IL1RAPL2: variants seen among roughly 807,000 people sequenced by gnomAD.
The protein encoded by IL1RAPL2 is interleukin 1 receptor accessory protein like 2.
In IL1RAPL2, 3 loss-of-function variants were observed where a neutral mutation model predicts 44.1. The observed-to-expected ratio is 0.07, with a 90% CI of 0.03 to 0.18. The LOEUF (loss-of-function observed/expected upper bound fraction) is 0.18, where lower values mean the gene tolerates loss of function less well. Ranked by LOEUF, IL1RAPL2 falls within the 10% of genes least tolerant of loss-of-function variation. The pLI, the probability that IL1RAPL2 is intolerant of heterozygous loss-of-function variation, is 1.00. For missense variants in IL1RAPL2, 391 were observed against 496.4 expected, an observed-to-expected ratio of 0.79 and a Z score of 2.02; for synonymous variants, 181 against 178.8, an observed-to-expected ratio of 1.01 and a Z score of -0.10.
intron 2 of IL1RAPL2, among the ~76,000 whole-genome samples, chrX:105,020,381 G>A (rs980694575): frequency 1.8e-5 from 2 of 111,870 alleles, no homozygotes; most frequent in Non-Finnish European, 3.8e-5. Context: ...AAGTTTTAAA[G>A]GAAATAGTGC....
chrX:104,615,965 T>C (rs1602645235), intron 1 of IL1RAPL2, among the ~76,000 whole-genome samples: 5 of 112,617 alleles, frequency 4.4e-5, no homozygotes. Flanking sequence ...GATTTGCATT[T>C]CTCTAATGAT....
At chrX:105,029,314 A>G (rs2147750906) in intron 2 of IL1RAPL2, among the ~76,000 whole-genome samples, 1 of 104,426 alleles carries the variant, frequency 9.6e-6, no homozygotes, top group East Asian at 3.1e-4. Context: ...GGTTTGTTAC[A>G]TATGTATACA....
intron 2 of IL1RAPL2, among the ~76,000 whole-genome samples, chrX:104,893,596 A>G (rs778369683): frequency 2.0e-4 from 22 of 111,191 alleles, no homozygotes; most frequent in Middle Eastern, 4.7e-3. Flanking sequence ...TTTATCAGAG[A>G]CTAGGATTGC....
intron 1 of IL1RAPL2, among the ~76,000 whole-genome samples, chrX:104,578,741 T>G (rs1928287793): frequency 9.0e-6 from 1 of 110,806 alleles, no homozygotes; most frequent in Non-Finnish European, 1.9e-5. Flanking sequence ...TTTTCATGAG[T>G]TTTTAATGAT....
At chrX:105,369,444 A>G (rs748784255) in intron 5 of IL1RAPL2, among the ~76,000 whole-genome samples, 1 of 111,197 alleles carries the variant, frequency 9.0e-6, no homozygotes, top group Admixed American at 9.7e-5. Flanking sequence ...GTAAGGTGAG[A>G]TTGAAGCCAG....
At chrX:104,872,750 C>T (rs1005971005) in intron 2 of IL1RAPL2, among the ~76,000 whole-genome samples, 2 of 110,970 alleles carry the variant, frequency 1.8e-5, no homozygotes, top group East Asian at 5.7e-4. Flanking sequence ...TATGGTGACT[C>T]GTCTAATATT....
At chrX:105,673,478 T>TC (rs752692642) in intron 6 of IL1RAPL2, among the ~76,000 whole-genome samples, 1 of 111,476 alleles carries the variant, frequency 9.0e-6, no homozygotes, top group Non-Finnish European at 1.9e-5. Flanking sequence ...TTCATCCAAG[T>TC]CCCTGCAAAG....
At chrX:104,647,760 CA>C (rs1930072225) in intron 1 of IL1RAPL2, 1 of 536,730 alleles carries the variant, frequency 1.9e-6, no homozygotes, top group African/African-American at 2.3e-5. Flanking sequence ...TCTTTGCTAC[CA>C]GTGATGACTG....
chrX:105,295,513 G>A (rs752188390), intron 5 of IL1RAPL2, among the ~76,000 whole-genome samples: 12 of 111,510 alleles, frequency 1.1e-4, no homozygotes, highest in South Asian at 7.5e-4. Flanking sequence ...CTAAATCTAC[G>A]GCAATATTTT....
Position 105,566,564 on chromosome X carries a change from C to G in IL1RAPL2, c.772+82177C>G, listed in dbSNP as rs2036976736. Among the ~76,000 whole-genome samples the G allele has an allele frequency of 7.2e-5, 8 of 111,762 alleles. No homozygotes were observed. The South Asian group carries it at 3.0e-3, about 42-fold the overall frequency. ...GCAGAGAGGTTTGTGAGATTTAGCA[C>G]ACAACACATTAAGGACGTCTGAAAA... On this transcript the variant is annotated intron_variant, in intron 6 of 10. Transcript: ENST00000372582.
intron 4 of IL1RAPL2, among the ~76,000 whole-genome samples, chrX:105,239,183 T>C (rs183679339): frequency 8.9e-6 from 1 of 112,064 alleles, no homozygotes; most frequent in Non-Finnish European, 1.9e-5. Context: ...CACCAGCAGT[T>C]GCACAGATAC....
chrX:105,572,005 G>C (rs760989474), intron 6 of IL1RAPL2, among the ~76,000 whole-genome samples: 126 of 111,562 alleles, frequency 1.1e-3, no homozygotes, highest in African/African-American at 4.0e-3. Flanking sequence ...AGATTTCAAT[G>C]TCAGGTTTTT....
intron 6 of IL1RAPL2, among the ~76,000 whole-genome samples, chrX:105,590,481 A>T (rs1053991465): frequency 2.1e-4 from 23 of 111,361 alleles, no homozygotes; most frequent in Non-Finnish European, 3.8e-5. Flanking sequence ...GCTTTTGCCC[A>T]TTCAATATGA....
chrX:105,448,035 T>C (rs1361909277), intron 5 of IL1RAPL2, among the ~76,000 whole-genome samples: 1 of 105,930 alleles, frequency 9.4e-6, no homozygotes, highest in Non-Finnish European at 1.9e-5. Flanking sequence ...AGGTTTTTTT[T>C]CTTCAGCACT....
intron 2 of IL1RAPL2, among the ~76,000 whole-genome samples, chrX:104,968,233 A>T (rs1169501602): frequency 8.9e-6 from 1 of 111,860 alleles, no homozygotes; most frequent in Non-Finnish European, 1.9e-5. Flanking sequence ...GCTGAACATT[A>T]GAGAAAATGT....
intron 1 of IL1RAPL2, among the ~76,000 whole-genome samples, chrX:104,582,657 T>TTTC (rs1491278537): frequency 5.6e-5 from 5 of 88,616 alleles, no homozygotes; most frequent in African/African-American, 2.1e-4. Flanking sequence ...TCTTTCTTTC[T>TTTC]TTTTTTTCTT....
chrX:105,409,415 A>T (rs1427903793), intron 5 of IL1RAPL2, among the ~76,000 whole-genome samples: 1 of 112,131 alleles, frequency 8.9e-6, no homozygotes, highest in Non-Finnish European at 1.9e-5. Context: ...GAAGCAGGTG[A>T]TACAAAAGTG....
At chrX:105,474,103 T>G (rs2036182582) in intron 5 of IL1RAPL2, among the ~76,000 whole-genome samples, 2 of 111,518 alleles carry the variant, frequency 1.8e-5, no homozygotes, top group South Asian at 7.5e-4. Flanking sequence ...CATCATGGAT[T>G]ATCCAGGTAA....
chrX:105,679,256 A>C (rs2037901553), intron 6 of IL1RAPL2, among the ~76,000 whole-genome samples: 1 of 111,815 alleles, frequency 8.9e-6, no homozygotes. Context: ...TAAATCATAA[A>C]GTTCCTTACT....
Sources: gnomAD v4.1 joint callset for allele counts (sites outside exome capture counted in the v4.1 genomes callset) on GRCh38, gnomAD v4.1.1 for gene constraint, MANE v1.5 for transcripts, NCBI Gene and HGNC (gene_info 2026-07-23, HGNC 2026-07-21) for gene names.